UTS2B: variants seen among roughly 807,000 people sequenced by gnomAD.
UTS2B encodes the protein urotensin 2B.
UTS2B carries 21 observed loss-of-function variants against 19.2 expected under a neutral mutation model. The ratio of observed to expected loss-of-function variants is 1.09; its 90% CI spans 0.78 to 1.58. The LOEUF (loss-of-function observed/expected upper bound fraction) is 1.58, where lower values mean the gene tolerates loss of function less well. Among genes scored for constraint, UTS2B ranks in the 40% most tolerant of loss-of-function variants. The pLI is 0.00. For synonymous variants in UTS2B, 57 were observed against 50.2 expected (o/e 1.14, Z -0.58); for missense variants, 138 against 130.3 (o/e 1.06, Z -0.29).
chr3:191,291,603 C>T (rs1716719227), intron 4 of UTS2B, among the ~76,000 whole-genome samples: 1 of 152,082 alleles, frequency 6.6e-6, no homozygotes, highest in South Asian at 2.1e-4. Flanking sequence ...CAGGCGCCCA[C>T]CACCACACCT....
intron 1 of UTS2B, among the ~76,000 whole-genome samples, chr3:191,329,961 C>T (rs1717906049): frequency 7.3e-6 from 1 of 137,792 alleles, no homozygotes; most frequent in African/African-American, 2.6e-5. Context: ...GGGGGGCTAG[C>T]AGCAGCCCCA....
intron 4 of UTS2B, among the ~76,000 whole-genome samples, chr3:191,288,785 C>T (rs1716626657): frequency 6.6e-6 from 1 of 151,998 alleles, no homozygotes; most frequent in South Asian, 2.1e-4. Flanking sequence ...ATGCAAAAAT[C>T]AACTCAAAGT....
chr3:191,276,564 T>C (rs1716241842), intron 7 of UTS2B, among the ~76,000 whole-genome samples: 2 of 152,224 alleles, frequency 1.3e-5, no homozygotes, highest in African/African-American at 2.4e-5. Flanking sequence ...ATTGCAAAGC[T>C]AAAATTAGAA....
chr3:191,282,020 A>C, intron 5 of UTS2B, 67 bp downstream of exon 5: 1 of 1,175,192 alleles, frequency 8.5e-7, no homozygotes, highest in Non-Finnish European at 1.2e-6. Flanking sequence ...GAAAAATCAA[A>C]TTTGTTCAAA....
intron 3 of UTS2B, among the ~76,000 whole-genome samples, chr3:191,309,792 C>T (rs12489742): frequency 0.03 from 4,633 of 152,196 alleles, 156 homozygotes; most frequent in East Asian, 0.13. Flanking sequence ...TATGAAATGC[C>T]TCGCTTCCTT....
chr3:191,273,349 C>A, intron 8 of UTS2B: 1 of 398,074 alleles, frequency 2.5e-6, no homozygotes, highest in Admixed American at 2.7e-5. Context: ...AGGCAGTGCT[C>A]ACCAAGTACT....
chr3:191,315,492 C>T (rs780174519), intron 3 of UTS2B, among the ~76,000 whole-genome samples: 1 of 152,156 alleles, frequency 6.6e-6, no homozygotes, highest in Admixed American at 6.5e-5. Flanking sequence ...TAGATAGTGT[C>T]GGAATTGGAT....
intron 2 of UTS2B, among the ~76,000 whole-genome samples, chr3:191,321,958 C>T (rs1456250608): frequency 4.6e-5 from 7 of 152,118 alleles, no homozygotes; most frequent in South Asian, 2.1e-4. Context: ...ATCTGGGAGG[C>T]GGAGGTTGCA....
intron 2 of UTS2B, among the ~76,000 whole-genome samples, chr3:191,322,026 G>A (rs913353888): frequency 2.0e-5 from 3 of 148,792 alleles, no homozygotes; most frequent in South Asian, 2.1e-4. Context: ...AAACTCCATC[G>A]GAAAAATATA....
intron 4 of UTS2B, among the ~76,000 whole-genome samples, chr3:191,284,485 C>G: frequency 6.7e-6 from 1 of 149,940 alleles, no homozygotes; most frequent in East Asian, 2.0e-4. Flanking sequence ...CCATGTCTGG[C>G]TAATTTTTGT....
intron 3 of UTS2B, among the ~76,000 whole-genome samples, chr3:191,314,336 T>C (rs1022200516): frequency 5.9e-5 from 9 of 152,276 alleles, no homozygotes; most frequent in East Asian, 5.8e-4. Context: ...CAAGTTCCAA[T>C]TGGGTCAGCA....
At chr3:191,309,739 A>C (rs1201030276) in intron 3 of UTS2B, among the ~76,000 whole-genome samples, 1 of 152,080 alleles carries the variant, frequency 6.6e-6, no homozygotes, top group Non-Finnish European at 1.5e-5. Context: ...ATACGAAAGC[A>C]TGTAGCACCT....
At chr3:191,301,198 A>G (rs1410786238) in intron 4 of UTS2B, among the ~76,000 whole-genome samples, 1 of 152,184 alleles carries the variant, frequency 6.6e-6, no homozygotes, top group Non-Finnish European at 1.5e-5. Context: ...CATAAGCTTT[A>G]GTGAAACTAG....
intron 4 of UTS2B, among the ~76,000 whole-genome samples, chr3:191,292,733 G>A (rs1222336241): frequency 6.6e-6 from 1 of 152,144 alleles, no homozygotes; most frequent in African/African-American, 2.4e-5. Context: ...TTTTTCTTGA[G>A]CTTAGAGGGT....
At chr3:191,337,795 C>T in the UTS2B span, among the ~76,000 whole-genome samples, 1 of 151,740 alleles carries the variant, frequency 6.6e-6, no homozygotes, top group Admixed American at 6.6e-5. Context: ...CATGAGTATC[C>T]AACAGATTTA....
chr3:191,345,802 A>G, the UTS2B span, among the ~76,000 whole-genome samples: 20 of 152,206 alleles, frequency 1.3e-4, no homozygotes, highest in South Asian at 2.1e-4. Flanking sequence ...TTGGGATTCA[A>G]TCAGTTTTAC....
In UTS2B at chr3:191,267,793, T is replaced by G. The variant is rs948888613; in HGVS notation, c.*623A>C. On this transcript the variant is annotated 3_prime_UTR_variant, in exon 9 of 9. Coordinates refer to ENST00000340524, the MANE Select transcript of UTS2B (RefSeq NM_198152.5). The stretch of plus-strand genomic sequence containing the variant: ...TATGTAGAAGTACAGTATACAGAGA[T>G]AAGAATTTACAATATACTGTGTGTG... 1 of 152,022 alleles carries G rather than the reference T, an allele frequency of 6.6e-6. No individual in the cohort carries two copies. The highest frequency in any genetic ancestry group is 2.4e-5 in the African/African-American group (1 of 41,406). The allele number at this position is 152,022 out of a possible 1,614,324, so 9.4% of individuals were successfully genotyped here.
the UTS2B span, among the ~76,000 whole-genome samples, chr3:191,336,095 G>A: frequency 2.0e-5 from 3 of 150,550 alleles, no homozygotes; most frequent in Non-Finnish European, 2.9e-5. Flanking sequence ...GTTTTGGTGG[G>A]TGACAGTAAA....
In UTS2B at chr3:191,295,405, A is replaced by T. The variant is rs998897795; in HGVS notation, c.-125+9087T>A. The stretch of plus-strand genomic sequence containing the variant: ...CTCCCTAGTTTTCTTTTTTTCTCCT[A>T]CTTTCCTGGTTATACTTTTTCGGCT... On this transcript the variant is annotated intron_variant, in intron 4 of 8. Coordinates refer to ENST00000340524, the MANE Select transcript of UTS2B (RefSeq NM_198152.5). Among the ~76,000 whole-genome samples the T allele has an allele frequency of 1.8e-4, 27 of 151,518 alleles. 1 individual carries two copies. The highest frequency in any genetic ancestry group is 5.8e-4 in the African/African-American group (24 of 41,060).
Sources: allele counts gnomAD v4.1 joint callset (sites outside exome capture counted in the v4.1 genomes callset), GRCh38; gene constraint gnomAD v4.1.1; transcripts MANE v1.5; gene names NCBI Gene and HGNC (gene_info 2026-07-23, HGNC 2026-07-21).